Variants in LPO observed in about 807,000 individuals in gnomAD.
LPO encodes lactoperoxidase.
Under a neutral mutation model 68.4 loss-of-function variants are expected in LPO, and 70 were observed. The observed-to-expected ratio is 1.02, with a 90% CI of 0.84 to 1.25. The LOEUF (loss-of-function observed/expected upper bound fraction) is 1.25. Among genes scored for constraint, LPO ranks in the 50% most tolerant of loss-of-function variants. LPO has a pLI of 0.00. For synonymous variants in LPO, 360 were observed against 357.6 expected, an observed-to-expected ratio of 1.01 and a Z score of -0.08; for missense variants, 873 against 908.4, an observed-to-expected ratio of 0.96 and a Z score of 0.50.
rs534338806 is a variant in LPO, at chr17:58,264,106, A to G, written c.1267-616A>G. 1.1e-4 allele frequency among the ~76,000 whole-genome samples: 17 copies of G among 152,334 alleles called. No homozygotes were observed. The East Asian group carries it at 2.9e-3, about 26-fold the overall frequency. On this transcript the variant is annotated intron_variant, in intron 9 of 12. Transcript: ENST00000262290. Reference sequence around the variant, plus strand: ...AAGCAAAAAAGCAGAATGCACAGGTATGCATTCTGTAGGATTATAACTATG... The same window carrying G: ...AAGCAAAAAAGCAGAATGCACAGGTGTGCATTCTGTAGGATTATAACTATG...
intron 9 of LPO, among the ~76,000 whole-genome samples, chr17:58,255,926 CT>C (rs985729196): frequency 1.8e-4 from 27 of 152,262 alleles, no homozygotes; most frequent in African/African-American, 6.5e-4. Flanking sequence ...ACAGATGTAG[CT>C]TCAAGTACTA....
At chr17:58,267,749 G>T (rs532645999) in intron 12 of LPO, 38 bp from the exon 13 acceptor site, 1 of 1,589,982 alleles carries the variant, frequency 6.3e-7, no homozygotes, top group South Asian at 1.1e-5. Flanking sequence ...AGGGGCCAGC[G>T]GCCAGACTGT....
intron 1 of LPO, 125 bp downstream of exon 1, chr17:58,238,864 G>A (rs1969705595): frequency 6.6e-6 from 1 of 152,174 alleles, no homozygotes; most frequent in East Asian, 1.9e-4. Flanking sequence ...TCTGGTGCCA[G>A]CTTTAGCCAC....
At chr17:58,253,746 C>A (rs1970007842) in intron 8 of LPO, among the ~76,000 whole-genome samples, 2 of 152,194 alleles carry the variant, frequency 1.3e-5, no homozygotes, top group Non-Finnish European at 2.9e-5. Context: ...CCACAGCAAT[C>A]CAGACACAAA....
At chr17:58,255,007 C>G in intron 9 of LPO, 36 bp downstream of exon 9, 1 of 1,604,730 alleles carries the variant, frequency 6.2e-7, no homozygotes, top group Non-Finnish European at 8.5e-7. Flanking sequence ...CCTGGTCCCA[C>G]CTGGCTCCCA....
intron 4 of LPO, among the ~76,000 whole-genome samples, chr17:58,248,253 T>C (rs568010546): frequency 2.0e-5 from 3 of 152,152 alleles, no homozygotes; most frequent in African/African-American, 7.2e-5. Flanking sequence ...TGGGAAAACA[T>C]CAAGTGAGGG....
In LPO at chr17:58,240,928, AG is replaced by A. The variant is rs780120349; in HGVS notation, c.-2-2045del. ...AGTGATATGGTGGTTGCCAGGAGCT[AG>A]GGGGAAGGGGAAATAGGGAGTTGGT... is the stretch of plus-strand genomic sequence containing the variant. On this transcript the variant is annotated intron_variant, in intron 1 of 12. Transcript: ENST00000262290. Among the ~76,000 whole-genome samples, 4 of 152,202 alleles carry A rather than the reference AG, an allele frequency of 2.6e-5. No homozygotes were observed. The South Asian group carries it at 8.3e-4, about 32-fold the overall frequency.
Position 58,243,014 on chromosome 17 carries a change from C to T in LPO, c.35C>T (p.Ala12Val), listed in dbSNP as rs1969785998. The T allele has an allele frequency of 6.2e-7, 1 of 1,614,116 alleles. No individual in the cohort carries two copies. Among genetic ancestry groups the T allele is most frequent in the East Asian group, 2.2e-5 (1 of 44,886 alleles). Residue 12 changes from alanine (A) to valine (V), a missense_variant, in exon 2 of 13, where the codon GCT (alanine) becomes GTT (valine). Coordinates refer to ENST00000262290, the MANE Select transcript of LPO (RefSeq NM_006151.3). ...RVLLHLPALLASLILLQAAAS... is the reference protein window; with the variant it reads ...RVLLHLPALLVSLILLQAAAS... Reference sequence around the variant, plus strand: ...CTTCTCCATCTCCCAGCCCTCCTGGCTTCCCTCATCTTGCTTCAGGCTGCA... The same window carrying T: ...CTTCTCCATCTCCCAGCCCTCCTGGTTTCCCTCATCTTGCTTCAGGCTGCA...
chr17:58,266,061 G>A (rs9904174), intron 10 of LPO, 92 bp from the exon 11 acceptor site: 2 of 1,281,592 alleles, frequency 1.6e-6, no homozygotes, highest in Non-Finnish European at 1.1e-6. Context: ...ATTCAACTAA[G>A]AGAAAATGTC....
intron 3 of LPO, 26 bp from the exon 4 acceptor site, chr17:58,247,452 A>G: frequency 2.7e-6 from 4 of 1,501,200 alleles, no homozygotes; most frequent in Non-Finnish European, 3.6e-6. Context: ...GGTCCAGGCC[A>G]TGATCCCCAT....
chr17:58,240,588 T>C (rs1195922661), intron 1 of LPO, among the ~76,000 whole-genome samples: 1 of 152,150 alleles, frequency 6.6e-6, no homozygotes, highest in Non-Finnish European at 1.5e-5. Flanking sequence ...ACCAGGAACA[T>C]TGCCCAAGAC....
intron 9 of LPO, among the ~76,000 whole-genome samples, chr17:58,257,423 G>A (rs937672563): frequency 9.9e-5 from 15 of 152,232 alleles, no homozygotes; most frequent in Admixed American, 4.6e-4. Flanking sequence ...CATATTTCAC[G>A]TAACATAATG....
intron 9 of LPO, among the ~76,000 whole-genome samples, chr17:58,260,014 C>T (rs1970146454): frequency 6.6e-6 from 1 of 152,116 alleles, no homozygotes; most frequent in South Asian, 2.1e-4. Context: ...AGAGTTTCAC[C>T]ATGTTGGCCA....
At chr17:58,250,772 C>A (rs1337955767) in intron 7 of LPO, 151 bp downstream of exon 7, 10 of 748,420 alleles carry the variant, frequency 1.3e-5, no homozygotes, top group Non-Finnish European at 2.2e-5. Context: ...TTCACTCATC[C>A]GTTTATTCAG....
intron 9 of LPO, among the ~76,000 whole-genome samples, chr17:58,263,335 G>T (rs1970205772): frequency 6.6e-6 from 1 of 152,128 alleles, no homozygotes; most frequent in African/African-American, 2.4e-5. Flanking sequence ...TCAGTTGATT[G>T]TCTGTTTACT....
chr17:58,250,149 G>GCT (rs1320085096), intron 6 of LPO, among the ~76,000 whole-genome samples: 1 of 152,152 alleles, frequency 6.6e-6, no homozygotes, highest in African/African-American at 2.4e-5. Context: ...AAGGGCACCG[G>GCT]CTTGGCAAAT....
chr17:58,254,638 C>T (rs953286463), intron 8 of LPO, 173 bp from the exon 9 acceptor site: 15 of 598,036 alleles, frequency 2.5e-5, no homozygotes, highest in Non-Finnish European at 3.5e-5. Flanking sequence ...GAGAGTCAAA[C>T]CTATGATTCA....
intron 1 of LPO, 83 bp from the exon 2 acceptor site, chr17:58,242,895 T>G: frequency 8.7e-7 from 1 of 1,153,094 alleles, no homozygotes. Context: ...GGTGCTCCTT[T>G]GGCTTTCTCT....
chr17:58,249,867 A>G (rs1470994321), intron 6 of LPO, among the ~76,000 whole-genome samples, 172 bp downstream of exon 6: 2 of 152,166 alleles, frequency 1.3e-5, no homozygotes, highest in Non-Finnish European at 2.9e-5. Context: ...CGGAGCCCGG[A>G]GCCCGGCCAC....
Sources: gnomAD v4.1 joint callset for allele counts (sites outside exome capture counted in the v4.1 genomes callset) on GRCh38, gnomAD v4.1.1 for gene constraint, MANE v1.5 for transcripts, NCBI Gene and HGNC (gene_info 2026-07-23, HGNC 2026-07-21) for gene names.